Variants in CEMIP2 observed in about 807,000 individuals in gnomAD.
CEMIP2 encodes the protein cell migration inducing hyaluronidase 2, also known as cell surface hyaluronidase CEMIP2.
In CEMIP2, 79 loss-of-function variants were observed where a neutral mutation model predicts 146.9. That is an observed-to-expected ratio of 0.54 (90% CI 0.45 to 0.65). CEMIP2 has a LOEUF of 0.65. Ranked by LOEUF, CEMIP2 falls within the 30% of genes least tolerant of loss-of-function variation. The probability of loss-of-function intolerance (pLI) is 0.00; values close to 1 mark genes in which losing one functional copy is unlikely to be tolerated. For missense variants in CEMIP2, 1,596 were observed against 1,696.2 expected, an observed-to-expected ratio of 0.94 and a Z score of 1.04; for synonymous variants, 601 against 606.3, an observed-to-expected ratio of 0.99 and a Z score of 0.13.
chr9:71,715,790 TA>T (rs1181027889), intron 14 of CEMIP2, among the ~76,000 whole-genome samples: 1 of 151,564 alleles, frequency 6.6e-6, no homozygotes, highest in African/African-American at 2.4e-5. Flanking sequence ...TGGTTAAGGT[TA>T]ATTTTTTTAT....
At chr9:71,762,527 C>A (rs1032942260) in intron 1 of CEMIP2, among the ~76,000 whole-genome samples, 30 of 61,302 alleles carry the variant, frequency 4.9e-4, no homozygotes, top group East Asian at 1.4e-3. Context: ...AAAAAAAAAA[C>A]TGGCTAGCAG....
Position 71,694,498 on chromosome 9 carries a change from A to G in CEMIP2, c.3696+11T>C, listed in dbSNP as rs1268404035. The G allele has an allele frequency of 5.6e-6, 9 of 1,601,362 alleles. No individual in the cohort carries two copies. The highest frequency in any genetic ancestry group is 7.7e-6 in the Non-Finnish European group (9 of 1,168,806). On this transcript the variant is annotated intron_variant, in intron 21 of 23. Coordinates refer to ENST00000377044, the MANE Select transcript of CEMIP2 (RefSeq NM_013390.3). ...CTAGAACAGACTAAGACAACACCAG[A>G]TGGTACTTACAGAAATAACAGACGG...
At chr9:71,737,941 G>T (rs546517069) in intron 5 of CEMIP2, among the ~76,000 whole-genome samples, 4 of 152,214 alleles carry the variant, frequency 2.6e-5, no homozygotes, top group Admixed American at 2.6e-4. Flanking sequence ...CAAAACAACC[G>T]TGAGAGACAG....
chr9:71,713,994 A>T (rs926924150), intron 15 of CEMIP2, among the ~76,000 whole-genome samples: 18 of 152,164 alleles, frequency 1.2e-4, no homozygotes, highest in Non-Finnish European at 7.3e-5. Flanking sequence ...GCAGTGCTCG[A>T]TATTCCACAA....
At chr9:71,734,541 T>C (rs1455092019) in intron 6 of CEMIP2, among the ~76,000 whole-genome samples, 1 of 152,176 alleles carries the variant, frequency 6.6e-6, no homozygotes, top group Admixed American at 6.5e-5. Flanking sequence ...GGAAAATCAA[T>C]TTCTCTAGTT....
intron 12 of CEMIP2, among the ~76,000 whole-genome samples, chr9:71,719,300 G>A (rs1031126853): frequency 6.6e-6 from 1 of 152,164 alleles, no homozygotes; most frequent in Non-Finnish European, 1.5e-5. Flanking sequence ...AGAGAAAATA[G>A]CAAGTGCAAA....
intron 12 of CEMIP2, among the ~76,000 whole-genome samples, chr9:71,719,095 T>A (rs1297874742): frequency 6.6e-6 from 1 of 151,714 alleles, no homozygotes; most frequent in Non-Finnish European, 1.5e-5. Flanking sequence ...GGCCACCTAT[T>A]TTTTTTTAAT....
intron 8 of CEMIP2, 60 bp downstream of exon 8, chr9:71,730,645 A>G: frequency 6.5e-7 from 1 of 1,530,794 alleles, no homozygotes; most frequent in Admixed American, 1.7e-5. Context: ...AGAAGACATG[A>G]GAATTAAAGA....
chr9:71,694,264 A>C (rs1822322821), intron 21 of CEMIP2, among the ~76,000 whole-genome samples: 1 of 151,838 alleles, frequency 6.6e-6, no homozygotes, highest in Admixed American at 6.6e-5. Flanking sequence ...CTGGGACTAC[A>C]GGCACCCACC....
chr9:71,755,022 T>C (rs1824381805), intron 1 of CEMIP2, among the ~76,000 whole-genome samples: 1 of 152,060 alleles, frequency 6.6e-6, no homozygotes, highest in Admixed American at 6.6e-5. Context: ...TAAATTAAAT[T>C]CTTCTCTTGG....
In CEMIP2 at chr9:71,746,303, C is replaced by T; in HGVS notation, c.370G>A (p.Asp124Asn). 1 of 1,613,890 alleles carries T rather than the reference C, an allele frequency of 6.2e-7. No homozygotes were observed. Among genetic ancestry groups the T allele is most frequent in the Middle Eastern group, 1.6e-4 (1 of 6,062 alleles). Residue 124 changes from aspartate to asparagine, a missense_variant, in exon 3 of 24, where the codon GAT (aspartate) becomes AAT (asparagine). Transcript: ENST00000377044. ...PDQNPRLRNW[D>N]PGQDSAKQVV... ...TGCTTTGCAGAATCTTGTCCTGGAT[C>T]CCAATTCCTGAGACGAGGATTTTGA...
chr9:71,742,270 G>C (rs1823944565), intron 4 of CEMIP2, among the ~76,000 whole-genome samples: 1 of 152,188 alleles, frequency 6.6e-6, no homozygotes. Flanking sequence ...TGATAAAGCA[G>C]AAAGAATCAA....
chr9:71,761,342 A>T (rs1433675171), intron 1 of CEMIP2, among the ~76,000 whole-genome samples: 2 of 152,262 alleles, frequency 1.3e-5, no homozygotes, highest in East Asian at 3.8e-4. Context: ...TGTGTTTGAA[A>T]AACAAGCAAA....
chr9:71,701,192 G>A (rs938607619), intron 18 of CEMIP2, among the ~76,000 whole-genome samples: 1 of 151,968 alleles, frequency 6.6e-6, no homozygotes, highest in African/African-American at 2.4e-5. Context: ...TGTGACCTCC[G>A]CCTCCCAGGT....
intron 12 of CEMIP2, among the ~76,000 whole-genome samples, chr9:71,720,131 T>TGCTTTAAATGTACTA (rs1347005193): frequency 1.3e-5 from 2 of 152,220 alleles, no homozygotes; most frequent in African/African-American, 2.4e-5. Context: ...AATTGTCCTC[T>TGCTTTAAATGTACTA]GCTTTAAATG....
At chr9:71,698,514 T>C (rs895435530) in intron 19 of CEMIP2, among the ~76,000 whole-genome samples, 2 of 152,216 alleles carry the variant, frequency 1.3e-5, no homozygotes, top group Non-Finnish European at 2.9e-5. Context: ...GGCTCAAAAA[T>C]TCCTTGGAAC....
chr9:71,697,757 AG>A (rs1822441209), intron 20 of CEMIP2: 5 of 489,332 alleles, frequency 1.0e-5, no homozygotes, highest in Non-Finnish European at 1.8e-5. Context: ...GAAAATCTGC[AG>A]TTGTTCAAGG....
In CEMIP2 at chr9:71,712,095, C is replaced by A; in HGVS notation, c.2757G>T (p.Lys919Asn). 6.2e-7 allele frequency: 1 copy of A among 1,613,988 alleles called. No individual in the cohort carries two copies. Among genetic ancestry groups the A allele is most frequent in the Non-Finnish European group, 8.5e-7 (1 of 1,179,942 alleles). Reference sequence around the variant, plus strand: ...AGAACATACTTACATGTGGACCAAACTTCACGAGGGAGATATTATTCCTGG... The same window carrying A: ...AGAACATACTTACATGTGGACCAAAATTCACGAGGGAGATATTATTCCTGG... ...ITPRNNISLV[K>N]FGPHVSLNVF... The change falls in exon 16 of 24, where the codon AAG (lysine) becomes AAT (asparagine). Residue 919 changes from lysine to asparagine, a missense_variant. By Grantham distance (94) the Lys-to-Asn change is moderately conservative. Coordinates refer to ENST00000377044, the MANE Select transcript of CEMIP2 (RefSeq NM_013390.3).
chr9:71,718,100 T>G (rs1043961383), intron 12 of CEMIP2, 21 bp from the exon 13 acceptor site: 2 of 1,587,168 alleles, frequency 1.3e-6, no homozygotes. Flanking sequence ...AAAAAAGAAT[T>G]TTAAAAAATA....
Sources: gnomAD v4.1 joint callset for allele counts (sites outside exome capture counted in the v4.1 genomes callset) on GRCh38, gnomAD v4.1.1 for gene constraint, MANE v1.5 for transcripts, NCBI Gene and HGNC (gene_info 2026-07-23, HGNC 2026-07-21) for gene names.